PTPRF: variants seen among roughly 807,000 people sequenced by gnomAD.
The protein encoded by PTPRF is protein tyrosine phosphatase receptor type F.
Under a neutral mutation model 201.8 loss-of-function variants are expected in PTPRF, and 59 were observed. The observed-to-expected ratio is 0.29, with a 90% CI of 0.24 to 0.36. The LOEUF (loss-of-function observed/expected upper bound fraction) is 0.36. Among genes scored for constraint, PTPRF ranks in the 10% least tolerant of loss-of-function variants. The pLI is 1.00. For missense variants in PTPRF, 2,132 were observed against 2,690.5 expected, an observed-to-expected ratio of 0.79 and a Z score of 4.59; for synonymous variants, 1,088 against 1,089.7, an observed-to-expected ratio of 1.00 and a Z score of 0.03.
In PTPRF at chr1:43,545,085, G is replaced by A. The variant is rs1212651831; in HGVS notation, c.10G>A (p.Glu4Lys). Residue 4 changes from glutamate (E) to lysine (K), a missense_variant, in exon 3 of 34, where the codon GAG (glutamate) becomes AAG (lysine). Coordinates refer to ENST00000359947, the MANE Select transcript of PTPRF (RefSeq NM_002840.5). ...GGAGCTAGAGCCCTGGATGGCCCCT[G>A]AGCCAGCCCCAGGGAGGACGATGGT... is the stretch of plus-strand genomic sequence containing the variant. MAP[E>K]PAPGRTMVPL... The A allele has an allele frequency of 6.3e-7, 1 of 1,579,438 alleles. No individual in the cohort carries two copies. The highest frequency in any genetic ancestry group is 8.6e-7 in the Non-Finnish European group (1 of 1,162,222).
chr1:43,559,230 G>A (rs989238860), intron 5 of PTPRF, among the ~76,000 whole-genome samples: 2 of 152,150 alleles, frequency 1.3e-5, no homozygotes, highest in African/African-American at 4.8e-5. Context: ...AGAACGGGGT[G>A]TGCAGCGGTC....
At chr1:43,601,584 G>A (rs927995893) in intron 13 of PTPRF, among the ~76,000 whole-genome samples, 5 of 152,214 alleles carry the variant, frequency 3.3e-5, no homozygotes, top group South Asian at 2.1e-4. Flanking sequence ...ATGCTTTGGC[G>A]GGTGGAAGGA....
In PTPRF at chr1:43,554,961, C is replaced by G. The variant is rs1645257617; in HGVS notation, c.379+1020C>G. Among the ~76,000 whole-genome samples the G allele has an allele frequency of 6.6e-6, 1 of 150,516 alleles. No individual in the cohort carries two copies. Among genetic ancestry groups the G allele is most frequent in the Non-Finnish European group, 1.5e-5 (1 of 67,858 alleles). ...CTCTGCCTCCCGGGTTCAAGCGATT[C>G]TCCTGCCCGGCCTCCCAAGTAGCTG... is the stretch of plus-strand genomic sequence containing the variant. On this transcript the variant is annotated intron_variant, in intron 5 of 33. Coordinates refer to ENST00000359947, the MANE Select transcript of PTPRF (RefSeq NM_002840.5). The surrounding 1 kb of genome is among the most constrained non-coding windows in gnomAD (Gnocchi z 4.1).
chr1:43,621,902 C>T (rs375285329), intron 33 of PTPRF, 33 bp from the exon 34 acceptor site: 159 of 1,608,960 alleles, frequency 9.9e-5, no homozygotes, highest in Admixed American at 4.7e-4. Context: ...TCCACTGGCG[C>T]GACCCACACT....
At chr1:43,560,655 G>C (rs1645744166) in intron 5 of PTPRF, among the ~76,000 whole-genome samples, 1 of 152,182 alleles carries the variant, frequency 6.6e-6, no homozygotes, top group Admixed American at 6.5e-5. Flanking sequence ...TGGAGCTGTT[G>C]GTCCGCCAGG....
chr1:43,574,837 TGTC>T (rs1646818460), intron 6 of PTPRF, among the ~76,000 whole-genome samples: 1 of 152,200 alleles, frequency 6.6e-6, no homozygotes, highest in Non-Finnish European at 1.5e-5. Context: ...AGATGGACCT[TGTC>T]AAGTCCTTCC....
At chr1:43,524,753 T>A (rs1333922606), upstream of PTPRF, among the ~76,000 whole-genome samples, 1 of 151,944 alleles carries the variant, frequency 6.6e-6, no homozygotes, top group Admixed American at 6.6e-5. Flanking sequence ...GGTGTGTGAA[T>A]GTGCTAGTGG....
rs369704777 is a variant in PTPRF, at chr1:43,603,496, C to T, written c.2421C>T (p.Ala807=). 1 of 1,614,042 alleles carries T rather than the reference C, an allele frequency of 6.2e-7. No individual in the cohort carries two copies. Among genetic ancestry groups the T allele is most frequent in the Non-Finnish European group, 8.5e-7 (1 of 1,180,042 alleles). Residue 807 remains alanine, a synonymous_variant, in exon 15 of 34, where the codon GCC becomes GCT. Transcript: ENST00000359947. This position sits in a 1 kb window ranked among gnomAD's most constrained non-coding sequence, Gnocchi z 5.8. ...CCTATACCACCAAGGGGGATGGTGC[C>T]CGCAGCAAGCCCAAAATTGTCACTA... ...VAAYTTKGDG[A]RSKPKIVTTT...
intron 7 of PTPRF, chr1:43,579,204 G>A (rs1410931992): frequency 4.8e-6 from 3 of 630,842 alleles, no homozygotes. Context: ...GGAGCCCCAT[G>A]GGAATTTGGA....
At chr1:43,607,389 A>G (rs962809908) in intron 21 of PTPRF, among the ~76,000 whole-genome samples, 2 of 152,080 alleles carry the variant, frequency 1.3e-5, no homozygotes, top group African/African-American at 4.8e-5. Context: ...AGGCCTAGAG[A>G]GGTCGAGCTG....
At chr1:43,576,753 G>A (rs372488446) in intron 6 of PTPRF, among the ~76,000 whole-genome samples, 3 of 152,320 alleles carry the variant, frequency 2.0e-5, no homozygotes, top group African/African-American at 7.2e-5. Flanking sequence ...AGTGTCTGGC[G>A]CAGAGCAGAC....
chr1:43,586,131 G>T (rs1442335164), intron 7 of PTPRF, among the ~76,000 whole-genome samples: 1 of 152,212 alleles, frequency 6.6e-6, no homozygotes, highest in East Asian at 1.9e-4. Context: ...CAGTTCCCTT[G>T]ACTGTAATTG....
chr1:43,617,294 C>T, intron 23 of PTPRF, 151 bp from the exon 24 acceptor site: 1 of 1,131,880 alleles, frequency 8.8e-7, no homozygotes, highest in Non-Finnish European at 1.2e-6. Flanking sequence ...CTGTGAGCTC[C>T]ATGGCTGGCA....
rs1446421132 is a variant in PTPRF at position 43,592,495 on chromosome 1, A to G, written c.1707A>G (p.Leu569=). 5 of 1,612,768 alleles carry G rather than the reference A, an allele frequency of 3.1e-6. No homozygotes were observed. The highest frequency in any genetic ancestry group is 1.1e-5 in the South Asian group (1 of 90,972). Residue 569 remains leucine (L), a synonymous_variant, in exon 11 of 34, where the codon CTA becomes CTG. Coordinates refer to ENST00000359947, the MANE Select transcript of PTPRF (RefSeq NM_002840.5). ...TCGACCCAACCTCCTCCTACACACT[A>G]GAGGACCTGAAGCCTGACACACTCT... ...VTFDPTSSYT[L]EDLKPDTLYR...
At chr1:43,522,918 T>C (rs959352452), upstream of PTPRF, among the ~76,000 whole-genome samples, 1 of 152,128 alleles carries the variant, frequency 6.6e-6, no homozygotes, top group African/African-American at 2.4e-5. Context: ...CGGAGTGACA[T>C]AACCCCATTT....
intron 5 of PTPRF, among the ~76,000 whole-genome samples, chr1:43,555,304 G>A (rs1039219407): frequency 1.5e-5 from 2 of 135,444 alleles, no homozygotes; most frequent in Admixed American, 1.6e-4. Context: ...CATTTTCTGT[G>A]CATACATATA....
In PTPRF at chr1:43,602,055, C is replaced by T; in HGVS notation, c.2314-16C>T. Reference sequence around the variant, plus strand: ...TCACCATCCTGTCTCCCTTTCTCTCCCTCTCCCGCGGTCAGTGGCGGCCAG... The same window carrying T: ...TCACCATCCTGTCTCCCTTTCTCTCTCTCTCCCGCGGTCAGTGGCGGCCAG... On this transcript the variant is annotated splice_polypyrimidine_tract_variant and intron_variant, in intron 13 of 33. Transcript: ENST00000359947. The T allele has an allele frequency of 6.2e-7, 1 of 1,611,942 alleles. No individual in the cohort carries two copies. Among genetic ancestry groups the T allele is most frequent in the African/African-American group, 1.3e-5 (1 of 74,994 alleles).
At chr1:43,538,825 C>CT (rs1362096793) in intron 2 of PTPRF, among the ~76,000 whole-genome samples, 1 of 152,156 alleles carries the variant, frequency 6.6e-6, no homozygotes, top group African/African-American at 2.4e-5. Context: ...GTTCTCCTCT[C>CT]TGTCTGTTAG....
At chr1:43,575,944 T>C (rs1475547479) in intron 6 of PTPRF, 1 of 1,364,980 alleles carries the variant, frequency 7.3e-7, no homozygotes, top group Admixed American at 1.9e-5. Flanking sequence ...ATGCTGTCCG[T>C]GCCTCTCGCC....
Sources: gnomAD v4.1 joint callset for allele counts (sites outside exome capture counted in the v4.1 genomes callset) on GRCh38, gnomAD v4.1.1 for gene constraint, Gnocchi (gnomAD v3.1) non-coding constraint, MANE v1.5 for transcripts, NCBI Gene and HGNC (gene_info 2026-07-23, HGNC 2026-07-21) for gene names.